Variants in RNF157 observed in about 807,000 individuals in gnomAD.
RNF157 encodes E3 ubiquitin ligase RNF157.
RNF157 carries 55 observed loss-of-function variants against 88.3 expected under a neutral mutation model. That is an observed-to-expected ratio of 0.62 (90% CI 0.50 to 0.78). RNF157 has a LOEUF of 0.78. Ranked by LOEUF, RNF157 falls within the 30% of genes least tolerant of loss-of-function variation. RNF157 has a pLI of 0.00. For synonymous variants in RNF157, 334 were observed against 341.2 expected, an observed-to-expected ratio of 0.98 and a Z score of 0.23; for missense variants, 788 against 860.8, an observed-to-expected ratio of 0.92 and a Z score of 1.06.
intron 1 of RNF157, among the ~76,000 whole-genome samples, chr17:76,238,798 G>A (rs572810549): frequency 3.9e-5 from 6 of 152,286 alleles, no homozygotes; most frequent in African/African-American, 1.2e-4. Flanking sequence ...CTTGGTTAGC[G>A]TTGATTTTAT....
At position 76,155,735 on chromosome 17, in the gene RNF157, C is replaced by T; in HGVS notation, c.1526-1G>A. On this transcript the variant is annotated splice_acceptor_variant, in intron 14 of 18. Coordinates refer to ENST00000269391, the MANE Select transcript of RNF157 (RefSeq NM_052916.3). LOFTEE classifies it high-confidence loss of function. ...TGGGCCAAGCTGCTGCTGGCAGGGCCTTTGGAGACAGGGGATGGGGAAAGG... is the reference window on the plus strand; with the variant it reads ...TGGGCCAAGCTGCTGCTGGCAGGGCTTTTGGAGACAGGGGATGGGGAAAGG... 1.3e-6 allele frequency: 2 copies of T among 1,554,474 alleles called. No individual in the cohort carries two copies. The highest frequency in any genetic ancestry group is 8.7e-7 in the Non-Finnish European group (1 of 1,149,974).
In RNF157 at chr17:76,160,835, T is replaced by G. The variant is rs747864912; in HGVS notation, c.1065+700A>C. ...CTAAATAATCATCTATAATTTATTC[T>G]AGATTTTGAATGTTTTGCTTGGTTT... On this transcript the variant is annotated intron_variant, in intron 11 of 18. Coordinates refer to ENST00000269391, the MANE Select transcript of RNF157 (RefSeq NM_052916.3). This position sits in a 1 kb window ranked among gnomAD's most constrained non-coding sequence, Gnocchi z 4.3. Among the ~76,000 whole-genome samples the G allele has an allele frequency of 6.6e-6, 1 of 152,036 alleles. No individual in the cohort carries two copies. Among genetic ancestry groups the G allele is most frequent in the Non-Finnish European group, 1.5e-5 (1 of 67,912 alleles).
At chr17:76,203,027 C>T in intron 2 of RNF157, among the ~76,000 whole-genome samples, 1 of 151,992 alleles carries the variant, frequency 6.6e-6, no homozygotes, top group East Asian at 1.9e-4. Context: ...AGGGTCTCGT[C>T]CAGCCCAGGC....
At chr17:76,174,288 GA>G (rs1228071818) in intron 2 of RNF157, among the ~76,000 whole-genome samples, 2 of 152,160 alleles carry the variant, frequency 1.3e-5, no homozygotes, top group Non-Finnish European at 2.9e-5. Flanking sequence ...AAACAGTAAA[GA>G]ACAAACTTCC....
intron 1 of RNF157, among the ~76,000 whole-genome samples, chr17:76,222,839 AATGTAATGTCTATT>A (rs2070009510): frequency 6.6e-6 from 1 of 152,128 alleles, no homozygotes; most frequent in South Asian, 2.1e-4. Context: ...TGTGTGTGTA[AATGTAATGTCTATT>A]ATTTCATATA....
Position 76,184,293 on chromosome 17 carries a change from G to A in RNF157, c.208-10503C>T, listed in dbSNP as rs570911081. ...ATAATTACTATAGAAACCAACACCT[G>A]GGGTCATATCAAAAACTCATTCATG... On this transcript the variant is annotated intron_variant, in intron 2 of 18. Coordinates refer to ENST00000269391, the MANE Select transcript of RNF157 (RefSeq NM_052916.3). 2.0e-5 allele frequency among the ~76,000 whole-genome samples: 3 copies of A among 151,952 alleles called. No individual in the cohort carries two copies. In the East Asian group the frequency reaches 5.8e-4, roughly 29 times the overall value.
chr17:76,188,050 C>A, intron 2 of RNF157, among the ~76,000 whole-genome samples: 1 of 152,208 alleles, frequency 6.6e-6, no homozygotes, highest in South Asian at 2.1e-4. Flanking sequence ...ATTCTTCAGT[C>A]ACCCCCCAAT....
intron 2 of RNF157, among the ~76,000 whole-genome samples, chr17:76,207,751 C>T (rs2069707060): frequency 6.6e-6 from 1 of 152,116 alleles, no homozygotes; most frequent in Non-Finnish European, 1.5e-5. Flanking sequence ...GAGTGGAAGT[C>T]AGCTGTTTAG....
In RNF157 at chr17:76,142,732, C is replaced by T. The variant is rs948069490; in HGVS notation, c.*2503G>A. On this transcript the variant is annotated 3_prime_UTR_variant, in exon 19 of 19. Coordinates refer to ENST00000269391, the MANE Select transcript of RNF157 (RefSeq NM_052916.3). ...GGACCCTAACTCCCAGGCCAGCCGG[C>T]TTAGAGTGTGGTGGTCTGTGCCCAG... The T allele has an allele frequency of 6.6e-6, 1 of 152,340 alleles. No individual in the cohort carries two copies. The highest frequency in any genetic ancestry group is 2.4e-5 in the African/African-American group (1 of 41,430). The allele number at this position is 152,340 out of a possible 1,614,324, so 9.4% of individuals were successfully genotyped here.
chr17:76,189,225 G>A (rs2069342640), intron 2 of RNF157, among the ~76,000 whole-genome samples: 2 of 152,308 alleles, frequency 1.3e-5, no homozygotes, highest in African/African-American at 4.8e-5. Context: ...TTTCAGTCTG[G>A]ATAAATGTGT....
chr17:76,169,933 T>C (rs569863035), intron 3 of RNF157, among the ~76,000 whole-genome samples: 5 of 152,290 alleles, frequency 3.3e-5, no homozygotes, highest in African/African-American at 9.6e-5. Context: ...TTTCCTATTA[T>C]AGGCATTCCT....
chr17:76,184,242 T>TTG (rs1159096017), intron 2 of RNF157, among the ~76,000 whole-genome samples: 3 of 151,752 alleles, frequency 2.0e-5, no homozygotes, highest in Non-Finnish European at 4.4e-5. Flanking sequence ...GGCAGACATT[T>TTG]AATATTTATG....
chr17:76,210,379 G>A (rs1001115568), intron 2 of RNF157, among the ~76,000 whole-genome samples: 13 of 151,106 alleles, frequency 8.6e-5, no homozygotes, highest in Non-Finnish European at 1.5e-4. Context: ...GGATCACGAG[G>A]TCAGATCGAG....
chr17:76,152,007 G>A (rs1469827594), intron 18 of RNF157, among the ~76,000 whole-genome samples: 1 of 152,190 alleles, frequency 6.6e-6, no homozygotes. Flanking sequence ...GAGAGGTGGT[G>A]TCTGTCTGCT....
intron 2 of RNF157, among the ~76,000 whole-genome samples, chr17:76,210,893 T>C (rs192033134): frequency 3.4e-4 from 51 of 152,158 alleles, no homozygotes; most frequent in Non-Finnish European, 5.4e-4. Context: ...CAACCTCCAC[T>C]TCCCGGGTTC....
At chr17:76,225,929 G>T in intron 1 of RNF157, 1 of 1,613,048 alleles carries the variant, frequency 6.2e-7, no homozygotes, top group Non-Finnish European at 8.5e-7. Flanking sequence ...GCGGTACCTA[G>T]TGGCTGCTGT....
At chr17:76,148,566 CTTT>C (rs35003550) in intron 18 of RNF157, among the ~76,000 whole-genome samples, 5 of 132,922 alleles carry the variant, frequency 3.8e-5, no homozygotes, top group Admixed American at 1.5e-4. Context: ...CGTGCCCCGC[CTTT>C]TTTTTTTTTT....
intron 2 of RNF157, among the ~76,000 whole-genome samples, chr17:76,205,015 G>A (rs2069655409): frequency 6.6e-6 from 1 of 151,878 alleles, no homozygotes; most frequent in Admixed American, 6.6e-5. Context: ...GATCTCTCCC[G>A]ACCTCAAGTG....
intron 1 of RNF157, among the ~76,000 whole-genome samples, chr17:76,229,038 T>C (rs181725461): frequency 1.6e-3 from 240 of 152,282 alleles, no homozygotes; most frequent in Middle Eastern, 0.014. Context: ...ATATTTACAA[T>C]AGTTTCCACC....
Sources: gnomAD v4.1 joint callset for allele counts (sites outside exome capture counted in the v4.1 genomes callset) on GRCh38, gnomAD v4.1.1 for gene constraint, Gnocchi (gnomAD v3.1) non-coding constraint, MANE v1.5 for transcripts, NCBI Gene and HGNC (gene_info 2026-07-23, HGNC 2026-07-21) for gene names.